Variants in BBX observed in about 807,000 individuals in gnomAD.
The protein encoded by BBX is HMG box transcription factor BBX.
A neutral mutation model predicts 100.2 loss-of-function variants in BBX; 30 were observed. That is an observed-to-expected ratio of 0.30 (90% CI 0.22 to 0.41). The LOEUF is 0.41. Ranked by LOEUF, BBX falls within the 10% of genes least tolerant of loss-of-function variation. The pLI, the probability that BBX is intolerant of heterozygous loss-of-function variation, is 1.00. For synonymous variants in BBX, 376 were observed against 388.1 expected, an observed-to-expected ratio of 0.97 and a Z score of 0.37; for missense variants, 1,023 against 1,129.8, an observed-to-expected ratio of 0.91 and a Z score of 1.35.
chr3:107,584,165 AT>A (rs1163139222), intron 2 of BBX, among the ~76,000 whole-genome samples: 1 of 22,048 alleles, frequency 4.5e-5, no homozygotes, highest in Non-Finnish European at 7.8e-5. Flanking sequence ...TGATATATAT[AT>A]TATTATATAT....
At chr3:107,693,830 G>A (rs1272028414) in intron 3 of BBX, among the ~76,000 whole-genome samples, 1 of 149,774 alleles carries the variant, frequency 6.7e-6, no homozygotes, top group Admixed American at 6.6e-5. Context: ...CTACCCATGA[G>A]CATGGAATGT....
chr3:107,549,897 T>G (rs2049534649), intron 2 of BBX, among the ~76,000 whole-genome samples: 1 of 147,972 alleles, frequency 6.8e-6, no homozygotes, highest in African/African-American at 2.5e-5. Flanking sequence ...TAATACTGAA[T>G]GGAAGGAAAG....
At chr3:107,589,001 G>A (rs1576413476) in intron 2 of BBX, among the ~76,000 whole-genome samples, 1 of 152,126 alleles carries the variant, frequency 6.6e-6, no homozygotes, top group Admixed American at 6.5e-5. Context: ...CATCTGTGTT[G>A]TCAAAATTAA....
intron 2 of BBX, among the ~76,000 whole-genome samples, chr3:107,598,584 A>G (rs1447861915): frequency 2.0e-5 from 3 of 152,230 alleles, no homozygotes; most frequent in East Asian, 3.8e-4. Flanking sequence ...TAAAATTACA[A>G]TAGTACAAAA....
At chr3:107,554,594 A>G (rs1466767139) in intron 2 of BBX, among the ~76,000 whole-genome samples, 9 of 152,152 alleles carry the variant, frequency 5.9e-5, no homozygotes, top group Admixed American at 5.9e-4. Flanking sequence ...TAACTTATGC[A>G]TTTTTTATTC....
At chr3:107,550,434 G>A (rs563473436) in intron 2 of BBX, among the ~76,000 whole-genome samples, 3 of 152,246 alleles carry the variant, frequency 2.0e-5, no homozygotes, top group Non-Finnish European at 2.9e-5. Flanking sequence ...CCCCCTGAGC[G>A]TGGGGAGATC....
chr3:107,586,813 C>T (rs1004689118), intron 2 of BBX, among the ~76,000 whole-genome samples: 6 of 151,292 alleles, frequency 4.0e-5, no homozygotes, highest in Non-Finnish European at 7.4e-5. Flanking sequence ...TGCAATGGTG[C>T]GATCTCAGCT....
At chr3:107,579,153 A>G (rs2052062174) in intron 2 of BBX, among the ~76,000 whole-genome samples, 1 of 152,076 alleles carries the variant, frequency 6.6e-6, no homozygotes, top group South Asian at 2.1e-4. Flanking sequence ...TGTTGAGGTG[A>G]GCTCCTTTTA....
chr3:107,762,938 C>T (rs547875981), intron 10 of BBX, among the ~76,000 whole-genome samples: 36 of 152,146 alleles, frequency 2.4e-4, no homozygotes, highest in East Asian at 7.7e-4. Flanking sequence ...CTGACACCGT[C>T]GCTTTTTGAT....
chr3:107,676,792 G>A (rs912896093), intron 3 of BBX, among the ~76,000 whole-genome samples: 1 of 152,074 alleles, frequency 6.6e-6, no homozygotes, highest in Non-Finnish European at 1.5e-5. Flanking sequence ...ACCAGTAATT[G>A]GTGAGAAAGC....
intron 2 of BBX, among the ~76,000 whole-genome samples, chr3:107,630,024 C>T (rs1408720589): frequency 6.6e-6 from 1 of 152,136 alleles, no homozygotes; most frequent in Non-Finnish European, 1.5e-5. Flanking sequence ...CCACTTTAGT[C>T]CTCTGAGCTC....
intron 3 of BBX, among the ~76,000 whole-genome samples, chr3:107,680,112 T>G (rs558891620): frequency 6.6e-6 from 1 of 152,298 alleles, no homozygotes; most frequent in South Asian, 2.1e-4. Context: ...GCCAGAAGGC[T>G]GTCAGACTTT....
At chr3:107,789,709 G>A in intron 13 of BBX, 78 bp from the exon 14 acceptor site, 1 of 1,036,758 alleles carries the variant, frequency 9.6e-7, no homozygotes, top group South Asian at 2.0e-5. Flanking sequence ...GGAGGAGGGT[G>A]GAATTGTTGA....
intron 2 of BBX, among the ~76,000 whole-genome samples, chr3:107,534,306 C>T (rs1576200696): frequency 6.6e-6 from 1 of 152,234 alleles, no homozygotes; most frequent in East Asian, 1.9e-4. Context: ...CAAAACTCAC[C>T]CAAGTGTAGA....
Position 107,805,635 on chromosome 3 carries a change from A to C in BBX, c.*178A>C, listed in dbSNP as rs535638486. The C allele has an allele frequency of 8.4e-5, 101 of 1,203,680 alleles. 2 individuals are homozygous for C. Among genetic ancestry groups the C allele is most frequent in the Middle Eastern group, 4.3e-4 (2 of 4,700 alleles). 74.6% of individuals were successfully genotyped at this position (1,203,680 alleles called of 1,614,324 possible). A position where few individuals can be genotyped will look rare whatever the true frequency, so the allele number is the denominator to read the frequency against. On this transcript the variant is annotated 3_prime_UTR_variant, in exon 18 of 18. Coordinates refer to ENST00000325805, the MANE Select transcript of BBX (RefSeq NM_001142568.3). Reference sequence around the variant, plus strand: ...GCATCCTGGGCCAGTTTGTTCTCTCAGAACCCAGAATCTTTGAGGGTAAGG... The same window carrying C: ...GCATCCTGGGCCAGTTTGTTCTCTCCGAACCCAGAATCTTTGAGGGTAAGG...
At chr3:107,663,323 T>C (rs2058560297) in intron 3 of BBX, among the ~76,000 whole-genome samples, 1 of 152,204 alleles carries the variant, frequency 6.6e-6, no homozygotes, top group Non-Finnish European at 1.5e-5. Context: ...ATGATGAATC[T>C]AAACTATGAT....
At chr3:107,555,223 C>CTT (rs2050009973) in intron 2 of BBX, among the ~76,000 whole-genome samples, 1 of 152,118 alleles carries the variant, frequency 6.6e-6, no homozygotes, top group Admixed American at 6.5e-5. Flanking sequence ...TTTGCATGTA[C>CTT]TTTTGAGTAG....
intron 2 of BBX, among the ~76,000 whole-genome samples, chr3:107,543,394 C>T (rs2048997377): frequency 6.6e-6 from 1 of 152,118 alleles, no homozygotes; most frequent in African/African-American, 2.4e-5. Flanking sequence ...ATCTTTACAG[C>T]AGGAATAGGT....
intron 2 of BBX, among the ~76,000 whole-genome samples, chr3:107,545,913 C>T (rs1235198055): frequency 1.3e-5 from 2 of 152,190 alleles, no homozygotes; most frequent in African/African-American, 4.8e-5. Context: ...ATGGTGCTCT[C>T]TTACTAATCC....
Sources: allele counts gnomAD v4.1 joint callset (sites outside exome capture counted in the v4.1 genomes callset), GRCh38; gene constraint gnomAD v4.1.1; transcripts MANE v1.5; gene names NCBI Gene and HGNC (gene_info 2026-07-23, HGNC 2026-07-21).